Variants in SGCZ observed in about 807,000 individuals in gnomAD.
SGCZ encodes the protein sarcoglycan zeta.
In SGCZ, 40 loss-of-function variants were observed where a neutral mutation model predicts 41.3. That is an observed-to-expected ratio of 0.97 (90% CI 0.75 to 1.26). SGCZ has a LOEUF of 1.26. Among genes scored for constraint, SGCZ ranks in the 50% most tolerant of loss-of-function variants. The pLI is 0.00. For synonymous variants in SGCZ, 206 were observed against 137.5 expected (o/e 1.50, Z -3.49); for missense variants, 552 against 369.8 (o/e 1.49, Z -4.04).
chr8:14,674,340 T>C (rs1041417979), intron 1 of SGCZ, among the ~76,000 whole-genome samples: 35 of 152,096 alleles, frequency 2.3e-4, no homozygotes, highest in Admixed American at 2.0e-3. Flanking sequence ...AGTAAAAATG[T>C]GTGGGAAACT....
chr8:14,840,925 A>C (rs1408645557), intron 1 of SGCZ, among the ~76,000 whole-genome samples: 2 of 152,068 alleles, frequency 1.3e-5, no homozygotes, highest in African/African-American at 4.8e-5. Context: ...TTGGGACTCT[A>C]CTATAGCTTA....
intron 1 of SGCZ, among the ~76,000 whole-genome samples, chr8:14,621,518 C>CA (rs1300176190): frequency 6.6e-6 from 1 of 151,554 alleles, no homozygotes; most frequent in Non-Finnish European, 1.5e-5. Context: ...AAACTCAAAA[C>CA]AAAAAAAGAA....
chr8:14,392,714 T>C (rs1804819198), intron 2 of SGCZ, among the ~76,000 whole-genome samples: 1 of 152,188 alleles, frequency 6.6e-6, no homozygotes, highest in African/African-American at 2.4e-5. Context: ...TTTTTGGACT[T>C]AGCAAATTAT....
chr8:14,254,254 T>G (rs1219878838), intron 3 of SGCZ, among the ~76,000 whole-genome samples: 1 of 152,184 alleles, frequency 6.6e-6, no homozygotes, highest in Non-Finnish European at 1.5e-5. Context: ...TTTCATTGCC[T>G]GATAAAAGAA....
intron 5 of SGCZ, among the ~76,000 whole-genome samples, chr8:14,135,551 T>G (rs1038883556): frequency 1.3e-5 from 2 of 151,924 alleles, no homozygotes; most frequent in African/African-American, 4.8e-5. Context: ...GAAGAAAATG[T>G]AGAAAAAAAT....
At chr8:14,248,828 A>T (rs1326089963) in intron 3 of SGCZ, among the ~76,000 whole-genome samples, 2 of 152,108 alleles carry the variant, frequency 1.3e-5, no homozygotes, top group Non-Finnish European at 2.9e-5. Context: ...CCACATATTT[A>T]GTTGACTTTA....
intron 1 of SGCZ, among the ~76,000 whole-genome samples, chr8:15,235,070 A>G (rs1233759307): frequency 6.6e-6 from 1 of 152,204 alleles, no homozygotes; most frequent in African/African-American, 2.4e-5. Context: ...GCCAAAAACA[A>G]GTATCCTAGC....
At chr8:15,041,614 G>A (rs995476718) in intron 1 of SGCZ, among the ~76,000 whole-genome samples, 1 of 152,028 alleles carries the variant, frequency 6.6e-6, no homozygotes, top group African/African-American at 2.4e-5. Flanking sequence ...GCAGAGAAAT[G>A]CATATACTGA....
intron 4 of SGCZ, among the ~76,000 whole-genome samples, chr8:14,167,324 A>G (rs756858164): frequency 2.6e-5 from 4 of 152,140 alleles, no homozygotes; most frequent in African/African-American, 9.7e-5. Flanking sequence ...GCCCCATTCA[A>G]TCTTAATCCA....
intron 2 of SGCZ, among the ~76,000 whole-genome samples, chr8:14,503,721 T>A (rs1802223539): frequency 6.6e-6 from 1 of 151,208 alleles, no homozygotes; most frequent in Admixed American, 6.6e-5. Context: ...TGAGCCGAGA[T>A]CACACCACTG....
intron 1 of SGCZ, among the ~76,000 whole-genome samples, chr8:14,715,044 T>G (rs897472303): frequency 2.0e-5 from 3 of 152,148 alleles, no homozygotes; most frequent in African/African-American, 7.2e-5. Flanking sequence ...GCAGGATTTA[T>G]TTTAAAAATA....
intron 1 of SGCZ, among the ~76,000 whole-genome samples, chr8:15,110,031 C>T (rs909262471): frequency 6.6e-6 from 1 of 152,114 alleles, no homozygotes; most frequent in Admixed American, 6.5e-5. Context: ...GCCACAGGGA[C>T]ATTTTCATTA....
intron 1 of SGCZ, among the ~76,000 whole-genome samples, chr8:14,902,764 G>C (rs539192562): frequency 6.6e-6 from 1 of 151,976 alleles, no homozygotes; most frequent in Non-Finnish European, 1.5e-5. Flanking sequence ...ACAAATATTC[G>C]AGTTTACTGG....
chr8:14,219,061 A>G lies in SGCZ; in HGVS notation c.424+18531T>C, dbSNP rs552362905. The stretch of plus-strand genomic sequence containing the variant: ...GTGCCTCATGTGCTCAGCAAAAATT[A>G]AAAACAAAATTGTTCTTTTGAAGTG... On this transcript the variant is annotated intron_variant, in intron 4 of 7. Coordinates refer to ENST00000382080, the MANE Select transcript of SGCZ (RefSeq NM_139167.4). Among the ~76,000 whole-genome samples the G allele has an allele frequency of 1.1e-4, 16 of 152,366 alleles. 1 individual carries two copies. The South Asian group carries it at 3.3e-3, about 32-fold the overall frequency.
chr8:15,167,873 G>C (rs1006792714), intron 1 of SGCZ, among the ~76,000 whole-genome samples: 2 of 152,172 alleles, frequency 1.3e-5, no homozygotes, highest in African/African-American at 2.4e-5. Context: ...TACAAATCCT[G>C]ATCAATATTC....
chr8:14,449,994 A>G (rs1308056864), intron 2 of SGCZ, among the ~76,000 whole-genome samples: 1 of 152,252 alleles, frequency 6.6e-6, no homozygotes, highest in Non-Finnish European at 1.5e-5. Context: ...TATTTAATAT[A>G]ATGCAATGTA....
chr8:14,128,498 CT>C (rs1243694560), intron 5 of SGCZ, among the ~76,000 whole-genome samples: 1 of 152,142 alleles, frequency 6.6e-6, no homozygotes, highest in Non-Finnish European at 1.5e-5. Context: ...ATGCAGATTT[CT>C]CAAAGAACTA....
At chr8:14,157,759 G>A (rs1803921235) in intron 5 of SGCZ, among the ~76,000 whole-genome samples, 1 of 152,084 alleles carries the variant, frequency 6.6e-6, no homozygotes, top group African/African-American at 2.4e-5. Context: ...AGAAGAAGGT[G>A]GGTAAGTAAT....
At chr8:14,984,315 C>T (rs1171396745) in intron 1 of SGCZ, among the ~76,000 whole-genome samples, 2 of 152,154 alleles carry the variant, frequency 1.3e-5, no homozygotes, top group African/African-American at 4.8e-5. Flanking sequence ...TATTATTATA[C>T]ATAGAACCAT....
Sources: allele counts gnomAD v4.1 joint callset (sites outside exome capture counted in the v4.1 genomes callset), GRCh38; gene constraint gnomAD v4.1.1; transcripts MANE v1.5; gene names NCBI Gene and HGNC (gene_info 2026-07-23, HGNC 2026-07-21).